Variants in PXDNL observed in about 807,000 individuals in gnomAD.
PXDNL encodes the protein peroxidasin like, also known as probable oxidoreductase PXDNL.
PXDNL carries 145 observed loss-of-function variants against 150.8 expected under a neutral mutation model. That is an observed-to-expected ratio of 0.96 (90% CI 0.84 to 1.10). The LOEUF is 1.10. Ranked by LOEUF, PXDNL falls within the 50% of genes least tolerant of loss-of-function variation. The probability of loss-of-function intolerance (pLI) is 0.00; values close to 1 mark genes in which losing one functional copy is unlikely to be tolerated. For synonymous variants in PXDNL, 757 were observed against 725.7 expected (o/e 1.04, Z -0.69); for missense variants, 2,087 against 1,873.9 (o/e 1.11, Z -2.10).
At chr8:51,738,932 CA>C (rs72054429) in intron 1 of PXDNL, among the ~76,000 whole-genome samples, 11,765 of 148,580 alleles carry the variant, frequency 0.079, 527 homozygotes, top group African/African-American at 0.13. Flanking sequence ...GAAAATAGTA[CA>C]AAAAAAAAGA....
At chr8:51,780,768 T>G (rs2037407144) in intron 1 of PXDNL, among the ~76,000 whole-genome samples, 1 of 148,360 alleles carries the variant, frequency 6.7e-6, no homozygotes, top group Admixed American at 6.9e-5. Flanking sequence ...CAAGGGATTC[T>G]CCTGCCTCAG....
intron 1 of PXDNL, among the ~76,000 whole-genome samples, chr8:51,805,842 T>C (rs1255966846): frequency 6.6e-6 from 1 of 152,160 alleles, no homozygotes; most frequent in Non-Finnish European, 1.5e-5. Context: ...CTAAGGAAAT[T>C]AGGAAAGTAC....
intron 12 of PXDNL, among the ~76,000 whole-genome samples, chr8:51,433,331 A>G (rs763715990): frequency 2.0e-5 from 3 of 151,696 alleles, no homozygotes; most frequent in Non-Finnish European, 4.4e-5. Context: ...TGTAGAAAAT[A>G]TTTTATTTCT....
At position 51,757,459 on chromosome 8, in the gene PXDNL, G is replaced by A. The variant is rs559194519; in HGVS notation, c.164+51722C>T. On this transcript the variant is annotated intron_variant, in intron 1 of 22. Coordinates refer to ENST00000356297, the MANE Select transcript of PXDNL (RefSeq NM_144651.5). ...GCCCAGCTGCCTTTGCTGCTTCTAAGCTGGGAATTAGATGGGAACACTTTT... is the reference window on the plus strand; with the variant it reads ...GCCCAGCTGCCTTTGCTGCTTCTAAACTGGGAATTAGATGGGAACACTTTT... Among the ~76,000 whole-genome samples the A allele has an allele frequency of 2.0e-5, 3 of 152,310 alleles. No individual in the cohort carries two copies. In the South Asian group the frequency reaches 6.2e-4, roughly 32 times the overall value.
At chr8:51,426,272 C>T (rs2392899) in intron 13 of PXDNL, among the ~76,000 whole-genome samples, 111,845 of 152,038 alleles carry the variant, frequency 0.74, 42,624 homozygotes, top group Non-Finnish European at 0.84. Flanking sequence ...TTTCCTGTTT[C>T]AGCCAATGAC....
intron 1 of PXDNL, among the ~76,000 whole-genome samples, chr8:51,776,301 C>T (rs539346878): frequency 6.6e-6 from 1 of 152,114 alleles, no homozygotes; most frequent in African/African-American, 2.4e-5. Flanking sequence ...GTGACCCACA[C>T]CCTATTCGTA....
intron 14 of PXDNL, among the ~76,000 whole-genome samples, chr8:51,416,492 G>A (rs1397001623): frequency 2.0e-5 from 3 of 152,202 alleles, no homozygotes; most frequent in Non-Finnish European, 4.4e-5. Flanking sequence ...CCATTAAATG[G>A]AGAGAGAAAG....
chr8:51,642,816 C>G (rs1563493202), intron 2 of PXDNL, among the ~76,000 whole-genome samples: 1 of 152,170 alleles, frequency 6.6e-6, no homozygotes, highest in African/African-American at 2.4e-5. Flanking sequence ...CCAAAATCTC[C>G]TTAAGCTGAT....
chr8:51,426,089 C>T (rs192760445), intron 13 of PXDNL, among the ~76,000 whole-genome samples: 1 of 152,118 alleles, frequency 6.6e-6, no homozygotes, highest in East Asian at 1.9e-4. Context: ...AATCTGAGAC[C>T]GACCATTTTG....
chr8:51,636,639 C>T (rs965257922), intron 2 of PXDNL, among the ~76,000 whole-genome samples: 2 of 151,982 alleles, frequency 1.3e-5, no homozygotes, highest in Admixed American at 6.6e-5. Flanking sequence ...TCAAAGTAAA[C>T]ATTTATACAT....
At chr8:51,519,889 G>A (rs769074776) in intron 4 of PXDNL, among the ~76,000 whole-genome samples, 7 of 152,306 alleles carry the variant, frequency 4.6e-5, no homozygotes, top group South Asian at 4.1e-4. Flanking sequence ...TCAGAGCAGT[G>A]AGCCATCCCT....
intron 6 of PXDNL, among the ~76,000 whole-genome samples, chr8:51,477,850 T>G (rs1430970390): frequency 1.3e-5 from 2 of 152,176 alleles, no homozygotes; most frequent in East Asian, 1.9e-4. Flanking sequence ...TGTGTTTTGG[T>G]AATAACTGAG....
chr8:51,597,791 C>T (rs1012359020), intron 2 of PXDNL, among the ~76,000 whole-genome samples: 20 of 151,352 alleles, frequency 1.3e-4, no homozygotes, highest in Non-Finnish European at 1.8e-4. Context: ...CATAGCTCAC[C>T]GCAACCTCCG....
intron 12 of PXDNL, among the ~76,000 whole-genome samples, chr8:51,436,725 C>T (rs1239225099): frequency 6.6e-6 from 1 of 152,120 alleles, no homozygotes; most frequent in Non-Finnish European, 1.5e-5. Flanking sequence ...GAGGGAAGTT[C>T]ATAGCCTTAA....
chr8:51,616,896 T>A (rs1814141841), intron 2 of PXDNL, among the ~76,000 whole-genome samples: 1 of 152,200 alleles, frequency 6.6e-6, no homozygotes, highest in Non-Finnish European at 1.5e-5. Flanking sequence ...ATAATGTAAA[T>A]GCTATGTAAA....
chr8:51,447,486 T>G (rs964015658), intron 11 of PXDNL, among the ~76,000 whole-genome samples: 4 of 152,258 alleles, frequency 2.6e-5, no homozygotes, highest in Admixed American at 6.5e-5. Flanking sequence ...ATCTGATTCT[T>G]AAATTTGATT....
chr8:51,374,464 T>C, intron 18 of PXDNL, 133 bp downstream of exon 18: 1 of 800,124 alleles, frequency 1.2e-6, no homozygotes. Context: ...TTCTGTCACC[T>C]AATGCTATCT....
intron 19 of PXDNL, among the ~76,000 whole-genome samples, chr8:51,350,137 G>A (rs562182595): frequency 6.6e-6 from 1 of 152,012 alleles, no homozygotes; most frequent in South Asian, 2.1e-4. Flanking sequence ...CAAAAAAGAA[G>A]AGAAAGAAAA....
chr8:51,520,135 C>T (rs1446992689), intron 4 of PXDNL, among the ~76,000 whole-genome samples: 3 of 152,104 alleles, frequency 2.0e-5, no homozygotes, highest in East Asian at 3.9e-4. Context: ...GCTTCCCTCC[C>T]ACGCGGCAGG....
Sources: gnomAD v4.1 joint callset for allele counts (sites outside exome capture counted in the v4.1 genomes callset) on GRCh38, gnomAD v4.1.1 for gene constraint, MANE v1.5 for transcripts, NCBI Gene and HGNC (gene_info 2026-07-23, HGNC 2026-07-21) for gene names.